The following ERC2 variants were observed in gnomAD, a reference collection of about 807,000 sequenced individuals.
ERC2 encodes ERC protein 2.
In ERC2, 42 loss-of-function variants were observed where a neutral mutation model predicts 114.8. The ratio of observed to expected loss-of-function variants is 0.37; its 90% confidence interval spans 0.29 to 0.47. ERC2 has a LOEUF of 0.47. ERC2 is among the 20% of genes least tolerant of loss of function. The pLI is 0.99. For missense variants in ERC2, 939 were observed against 1,150.7 expected (o/e 0.82, Z 2.66); for synonymous variants, 454 against 425.5 (o/e 1.07, Z -0.82).
intron 13 of ERC2, among the ~76,000 whole-genome samples, chr3:55,932,794 C>A (rs2066182042): frequency 6.6e-6 from 1 of 152,138 alleles, no homozygotes; most frequent in Admixed American, 6.6e-5. Flanking sequence ...TCAGCGAATA[C>A]TCAGCTAGAA....
intron 7 of ERC2, among the ~76,000 whole-genome samples, chr3:56,063,613 G>C (rs2076339139): frequency 6.6e-6 from 1 of 152,162 alleles, no homozygotes; most frequent in Non-Finnish European, 1.5e-5. Context: ...AACTGAGGCA[G>C]AGGATATGTA....
At chr3:56,356,334 T>C (rs140969367) in intron 2 of ERC2, among the ~76,000 whole-genome samples, 56 of 152,242 alleles carry the variant, frequency 3.7e-4, no homozygotes, top group African/African-American at 1.2e-3. Flanking sequence ...AATACAGGTA[T>C]GTACGAGGGC....
At chr3:55,793,587 C>T (rs906170597) in intron 14 of ERC2, among the ~76,000 whole-genome samples, 2 of 152,050 alleles carry the variant, frequency 1.3e-5, no homozygotes, top group East Asian at 3.8e-4. Context: ...GTTATTTTGA[C>T]ATATTGATGA....
At chr3:56,173,334 C>G (rs1277751183) in intron 4 of ERC2, 112 bp downstream of exon 4, 1 of 979,262 alleles carries the variant, frequency 1.0e-6, no homozygotes, top group Non-Finnish European at 1.6e-6. Context: ...AAGCATCCAG[C>G]AGGGTGCCTA....
At chr3:56,000,247 G>A (rs2071926732) in intron 10 of ERC2, among the ~76,000 whole-genome samples, 1 of 151,880 alleles carries the variant, frequency 6.6e-6, no homozygotes, top group Admixed American at 6.6e-5. Context: ...GATACCAAAA[G>A]CAAAATTAAA....
chr3:56,283,726 A>C (rs1373817574), intron 3 of ERC2, among the ~76,000 whole-genome samples: 1 of 152,260 alleles, frequency 6.6e-6, no homozygotes, highest in African/African-American at 2.4e-5. Context: ...GATTCAAGTG[A>C]TTAAATCATA....
At chr3:56,024,265 C>T (rs746125708) in intron 7 of ERC2, among the ~76,000 whole-genome samples, 5 of 152,190 alleles carry the variant, frequency 3.3e-5, no homozygotes, top group Non-Finnish European at 7.3e-5. Context: ...TGGTCTAGTG[C>T]AAACACTGTT....
chr3:55,563,190 T>C (rs2056144262), intron 17 of ERC2, among the ~76,000 whole-genome samples: 1 of 152,146 alleles, frequency 6.6e-6, no homozygotes, highest in Non-Finnish European at 1.5e-5. Context: ...AAACCTTCAT[T>C]GGTGTTTAAA....
chr3:56,207,269 CAT>C (rs2048796203), intron 3 of ERC2, among the ~76,000 whole-genome samples: 1 of 151,878 alleles, frequency 6.6e-6, no homozygotes, highest in Non-Finnish European at 1.5e-5. Context: ...ACAAAAGTAA[CAT>C]GATTTTTTAA....
chr3:56,149,190 C>T lies in ERC2; in HGVS notation c.1150-58G>A, dbSNP rs575800942. 5 of 1,465,346 alleles carry T rather than the reference C, an allele frequency of 3.4e-6. No individual in the cohort carries two copies. In the Admixed American group the frequency reaches 6.6e-5, roughly 19 times the overall value. 90.8% of individuals were successfully genotyped at this position (1,465,346 alleles called of 1,614,324 possible). A position where few individuals can be genotyped will look rare whatever the true frequency, so the allele number is the denominator to read the frequency against. On this transcript the variant is annotated intron_variant, in intron 4 of 17. Coordinates refer to ENST00000288221, the MANE Select transcript of ERC2 (RefSeq NM_015576.3). The stretch of plus-strand genomic sequence containing the variant: ...AAAGAATAAAAATTATTTTTAAGAT[C>T]ATCAAAACAGAATTTAAGAAAGTAA...
chr3:55,981,510 A>G (rs2070137120), intron 12 of ERC2, among the ~76,000 whole-genome samples: 1 of 152,168 alleles, frequency 6.6e-6, no homozygotes, highest in Non-Finnish European at 1.5e-5. Flanking sequence ...GGGAGGGATC[A>G]TGTCAGTTTT....
intron 2 of ERC2, among the ~76,000 whole-genome samples, chr3:56,416,659 TAAAAAAAAAA>T (rs35915351): frequency 9.6e-6 from 1 of 104,304 alleles, no homozygotes; most frequent in African/African-American, 3.5e-5. Flanking sequence ...AAAACATGAT[TAAAAAAAAAA>T]AAAAAAAAAA....
chr3:55,812,410 T>C (rs1174768732), intron 14 of ERC2, among the ~76,000 whole-genome samples: 1 of 152,206 alleles, frequency 6.6e-6, no homozygotes, highest in Non-Finnish European at 1.5e-5. Flanking sequence ...AAAGAATACA[T>C]AATCAATTAT....
intron 10 of ERC2, chr3:56,003,007 C>G: frequency 1.0e-6 from 1 of 991,984 alleles, no homozygotes; most frequent in Non-Finnish European, 1.4e-6. Flanking sequence ...CAAATATTTT[C>G]AAAACCTCCC....
chr3:56,053,616 CTCAA>C (rs991838769), intron 7 of ERC2, among the ~76,000 whole-genome samples: 16 of 152,136 alleles, frequency 1.1e-4, no homozygotes, highest in African/African-American at 3.1e-4. Context: ...ATCTCAGGAT[CTCAA>C]TCAAGCCGTT....
At chr3:55,700,458 A>G (rs1476239936) in intron 15 of ERC2, among the ~76,000 whole-genome samples, 1 of 152,212 alleles carries the variant, frequency 6.6e-6, no homozygotes, top group East Asian at 1.9e-4. Flanking sequence ...TCAACTCTAA[A>G]ATGAGAGGAA....
chr3:55,913,115 A>G (rs919205636), intron 13 of ERC2, among the ~76,000 whole-genome samples: 1 of 152,166 alleles, frequency 6.6e-6, no homozygotes, highest in African/African-American at 2.4e-5. Flanking sequence ...CCTCCTGAGT[A>G]GCTAAGACTA....
At chr3:56,437,249 T>C (rs1479185482) in intron 1 of ERC2, among the ~76,000 whole-genome samples, 1 of 152,236 alleles carries the variant, frequency 6.6e-6, no homozygotes. Context: ...CAAGTTGTCC[T>C]AGCCAACAGG....
At chr3:56,322,345 C>CA (rs573460574) in intron 2 of ERC2, among the ~76,000 whole-genome samples, 69 of 152,170 alleles carry the variant, frequency 4.5e-4, no homozygotes, top group Non-Finnish European at 7.5e-4. Context: ...TAACCTTTTG[C>CA]AATATGATTT....
Sources: gnomAD v4.1 joint callset for allele counts (sites outside exome capture counted in the v4.1 genomes callset) on GRCh38, gnomAD v4.1.1 for gene constraint, MANE v1.5 for transcripts, NCBI Gene and HGNC (gene_info 2026-07-23, HGNC 2026-07-21) for gene names.